Variants in KCNC2 observed in about 807,000 individuals in gnomAD.
The protein encoded by KCNC2 is potassium voltage-gated channel subfamily C member 2.
In KCNC2, 21 loss-of-function variants were observed where a neutral mutation model predicts 44.5. That is an observed-to-expected ratio of 0.47 (90% CI 0.33 to 0.68). The LOEUF (loss-of-function observed/expected upper bound fraction) is 0.68. Among genes scored for constraint, KCNC2 ranks in the 30% least tolerant of loss-of-function variants. KCNC2 has a pLI of 0.01. For missense variants in KCNC2, 589 were observed against 826.2 expected (o/e 0.71, Z 3.52); for synonymous variants, 391 against 339.1 (o/e 1.15, Z -1.68).
intron 2 of KCNC2, among the ~76,000 whole-genome samples, chr12:75,109,151 A>G (rs1887023231): frequency 6.6e-6 from 1 of 152,218 alleles, no homozygotes; most frequent in Admixed American, 6.5e-5. Context: ...ATTATTTTAA[A>G]GTAGATACTG....
Position 75,207,819 on chromosome 12 carries a change from C to T in KCNC2, c.165G>A (p.Gln55=). Residue 55 remains glutamine, a synonymous_variant, in exon 2 of 5, where the codon CAG becomes CAA. Transcript: ENST00000549446. This position sits in a 1 kb window ranked among gnomAD's most constrained non-coding sequence, Gnocchi z 4.1. ...DCLTTAGDKL[Q]PSPPPLSPPP... ...GCGGCGACAGTGGAGGCGGCGACGGCTGCAGCTTGTCGCCCGCCGTGGTCA... is the reference window on the plus strand; with the variant it reads ...GCGGCGACAGTGGAGGCGGCGACGGTTGCAGCTTGTCGCCCGCCGTGGTCA... 6.2e-7 allele frequency: 1 copy of T among 1,606,860 alleles called. No individual in the cohort carries two copies. The highest frequency in any genetic ancestry group is 1.1e-5 in the South Asian group (1 of 90,708).
At position 75,206,025 on chromosome 12, in the gene KCNC2, T is replaced by C. The variant is rs530029802; in HGVS notation, c.687+1272A>G. 9.4e-4 allele frequency among the ~76,000 whole-genome samples: 143 copies of C among 152,318 alleles called. 1 individual carries two copies. Among genetic ancestry groups the C allele is most frequent in the East Asian group, 1.5e-3 (8 of 5,188 alleles). ...AAAGGAGTAGCAATGCTTTAAATTG[T>C]CTCTTTCATATTCTATTTCACACTG... On this transcript the variant is annotated intron_variant, in intron 2 of 4. Transcript: ENST00000549446.
intron 2 of KCNC2, among the ~76,000 whole-genome samples, chr12:75,101,319 G>C (rs1186979279): frequency 6.6e-6 from 1 of 151,992 alleles, no homozygotes; most frequent in African/African-American, 2.4e-5. Context: ...AGGTTACATG[G>C]TGTTCAGAGA....
chr12:75,121,838 C>A (rs1046151392), intron 2 of KCNC2, among the ~76,000 whole-genome samples: 1 of 152,120 alleles, frequency 6.6e-6, no homozygotes, highest in Non-Finnish European at 1.5e-5. Flanking sequence ...TCCTTGACCA[C>A]CTCTACTTTA....
chr12:75,197,077 T>C (rs972415697), intron 2 of KCNC2, among the ~76,000 whole-genome samples: 5 of 152,066 alleles, frequency 3.3e-5, no homozygotes, highest in African/African-American at 1.2e-4. Context: ...TGAGGATCTC[T>C]GGGGTGAGAC....
At chr12:75,124,902 A>T (rs1888298086) in intron 2 of KCNC2, 1 of 152,244 alleles carries the variant, frequency 6.6e-6, no homozygotes, top group African/African-American at 2.4e-5. Flanking sequence ...CAGGAGATCG[A>T]GACCATCTTG....
intron 2 of KCNC2, among the ~76,000 whole-genome samples, chr12:75,145,835 T>C (rs1449691583): frequency 1.3e-5 from 2 of 152,172 alleles, no homozygotes; most frequent in Non-Finnish European, 2.9e-5. Flanking sequence ...TTCATGTCCA[T>C]CTAGAATTAA....
chr12:75,136,160 G>A (rs911059859), intron 2 of KCNC2, among the ~76,000 whole-genome samples: 12 of 151,784 alleles, frequency 7.9e-5, no homozygotes, highest in African/African-American at 2.4e-4. Context: ...ACAACATACC[G>A]AAACATCTGG....
At chr12:75,068,528 T>C (rs1263337740) in intron 2 of KCNC2, among the ~76,000 whole-genome samples, 2 of 152,108 alleles carry the variant, frequency 1.3e-5, no homozygotes, top group Admixed American at 1.3e-4. Flanking sequence ...TTATACAAAG[T>C]AGAAGGTAGA....
intron 2 of KCNC2, among the ~76,000 whole-genome samples, chr12:75,080,269 A>C (rs1884367483): frequency 9.8e-6 from 1 of 102,158 alleles, no homozygotes; most frequent in African/African-American, 3.7e-5. Context: ...CTGCTCAAAT[A>C]ATCCTCTCTT....
At position 75,207,567 on chromosome 12, in the gene KCNC2, G is replaced by T. The variant is rs1379125165; in HGVS notation, c.417C>A (p.Ala139=). 6.2e-7 allele frequency: 1 copy of T among 1,612,188 alleles called. No individual in the cohort carries two copies. Among genetic ancestry groups the T allele is most frequent in the Admixed American group, 1.7e-5 (1 of 60,024 alleles). ...VCGPLFEEEL[A]FWGIDETDVE... ...CGTCGGTCTCGTCGATGCCCCAGAA[G>T]GCCAGCTCCTCCTCGAAGAGCGGCC... is the stretch of plus-strand genomic sequence containing the variant. Residue 139 remains alanine, a synonymous_variant, in exon 2 of 5, where the codon GCC becomes GCA. Transcript: ENST00000549446. This position sits in a 1 kb window ranked among gnomAD's most constrained non-coding sequence, Gnocchi z 4.1.
At chr12:75,129,052 C>A (rs1194589109) in intron 2 of KCNC2, among the ~76,000 whole-genome samples, 3 of 152,136 alleles carry the variant, frequency 2.0e-5, no homozygotes, top group Admixed American at 6.6e-5. Flanking sequence ...ATGAGGTTAC[C>A]AGGGTGCCAA....
intron 2 of KCNC2, among the ~76,000 whole-genome samples, chr12:75,174,848 C>T (rs772644983): frequency 2.6e-5 from 4 of 151,858 alleles, no homozygotes; most frequent in Admixed American, 6.6e-5. Flanking sequence ...ATGGTTTTAA[C>T]GCATGTGTTT....
chr12:75,132,786 A>G (rs996296343), intron 2 of KCNC2, among the ~76,000 whole-genome samples: 2 of 152,174 alleles, frequency 1.3e-5, no homozygotes, highest in East Asian at 1.9e-4. Context: ...ATGTCTTAAA[A>G]TTGATTGATT....
intron 2 of KCNC2, among the ~76,000 whole-genome samples, chr12:75,153,727 A>G (rs959089870): frequency 6.6e-6 from 1 of 151,988 alleles, no homozygotes; most frequent in Admixed American, 6.6e-5. Flanking sequence ...TATATGTATT[A>G]TATACTGTAT....
At chr12:75,148,796 A>C (rs1390581562) in intron 2 of KCNC2, among the ~76,000 whole-genome samples, 2 of 151,998 alleles carry the variant, frequency 1.3e-5, no homozygotes, top group Non-Finnish European at 2.9e-5. Flanking sequence ...TCTTTCTAGA[A>C]AAGTAATTAG....
At chr12:75,172,017 A>T (rs2137585280) in intron 2 of KCNC2, among the ~76,000 whole-genome samples, 1 of 151,934 alleles carries the variant, frequency 6.6e-6, no homozygotes, top group East Asian at 1.9e-4. Context: ...TTAAAAGCTG[A>T]AGAAAAATAA....
rs376873763 is a variant in KCNC2, at chr12:75,041,866, C to T, written c.*1239G>A. The T allele has an allele frequency of 2.7e-5, 27 of 989,358 alleles. No homozygotes were observed. The highest frequency in any genetic ancestry group is 3.5e-5 in the African/African-American group (2 of 57,216). The allele number at this position is 989,358 out of a possible 1,614,324, so 61.3% of individuals were successfully genotyped here. On this transcript the variant is annotated 3_prime_UTR_variant, in exon 5 of 5. Coordinates refer to ENST00000549446, the MANE Select transcript of KCNC2 (RefSeq NM_139137.4). Reference sequence around the variant, plus strand: ...CAAATAGCAAAAAATGGTATGGAGTCGGGTTTGGAGGGAGTAAATATTAAA... The same window carrying T: ...CAAATAGCAAAAAATGGTATGGAGTTGGGTTTGGAGGGAGTAAATATTAAA...
chr12:75,097,776 T>C (rs995046169), intron 2 of KCNC2, among the ~76,000 whole-genome samples: 6 of 152,120 alleles, frequency 3.9e-5, no homozygotes, highest in African/African-American at 1.4e-4. Flanking sequence ...GCTTATCAGC[T>C]TTTTGACTTT....
Sources: allele counts gnomAD v4.1 joint callset (sites outside exome capture counted in the v4.1 genomes callset), GRCh38; gene constraint gnomAD v4.1.1; non-coding constraint Gnocchi (gnomAD v3.1); transcripts MANE v1.5; gene names NCBI Gene and HGNC (gene_info 2026-07-23, HGNC 2026-07-21).